OSBPL6: variants seen among roughly 807,000 people sequenced by gnomAD.
OSBPL6 encodes oxysterol-binding protein-related protein 6.
A neutral mutation model predicts 125.8 loss-of-function variants in OSBPL6; 49 were observed. The ratio of observed to expected loss-of-function variants is 0.39; its 90% confidence interval spans 0.31 to 0.49. OSBPL6 has a LOEUF of 0.49. Ranked by LOEUF, OSBPL6 falls within the 20% of genes least tolerant of loss-of-function variation. The probability of loss-of-function intolerance (pLI) is 0.88; values close to 1 mark genes in which losing one functional copy is unlikely to be tolerated. For missense variants in OSBPL6, 986 were observed against 1,135.4 expected (o/e 0.87, Z 1.89); for synonymous variants, 394 against 391.8 (o/e 1.01, Z -0.07).
chr2:178,290,424 GTT>G (rs55767106), intron 2 of OSBPL6, among the ~76,000 whole-genome samples: 1,882 of 128,790 alleles, frequency 0.015, 22 homozygotes, highest in African/African-American at 0.041. Flanking sequence ...AATTGTAGTG[GTT>G]TTTTTTTTTT....
chr2:178,212,056 A>G (rs2089886773), intron 1 of OSBPL6, among the ~76,000 whole-genome samples: 1 of 152,168 alleles, frequency 6.6e-6, no homozygotes, highest in East Asian at 1.9e-4. Context: ...TCAAATATTC[A>G]TTAAGCTCCC....
chr2:178,258,812 G>A (rs2091966963), intron 1 of OSBPL6, among the ~76,000 whole-genome samples: 1 of 151,150 alleles, frequency 6.6e-6, no homozygotes, highest in Non-Finnish European at 1.5e-5. Flanking sequence ...AACTTCTTAT[G>A]AATCAAATCT....
At chr2:178,225,256 G>GAAAGA (rs147732512) in intron 1 of OSBPL6, among the ~76,000 whole-genome samples, 24 of 150,160 alleles carry the variant, frequency 1.6e-4, no homozygotes, top group East Asian at 9.8e-4. Context: ...AAAAAAAAAG[G>GAAAGA]AAAGAAAAGA....
intron 23 of OSBPL6, 84 bp downstream of exon 23, chr2:178,392,622 G>A (rs976937714): frequency 5.0e-5 from 75 of 1,507,530 alleles, no homozygotes; most frequent in Non-Finnish European, 6.2e-5. Context: ...TTAGAAGGCT[G>A]AGGAGGGAAG....
chr2:178,310,565 C>T (rs1242600045), intron 3 of OSBPL6, among the ~76,000 whole-genome samples: 1 of 151,672 alleles, frequency 6.6e-6, no homozygotes, highest in Non-Finnish European at 1.5e-5. Flanking sequence ...CTACAGGTGC[C>T]CGCCACCGCA....
At chr2:178,209,893 A>G (rs2089758273) in intron 1 of OSBPL6, among the ~76,000 whole-genome samples, 1 of 152,050 alleles carries the variant, frequency 6.6e-6, no homozygotes, top group Non-Finnish European at 1.5e-5. Flanking sequence ...TAACTTAAAA[A>G]GCTTCCCAAG....
At chr2:178,350,709 G>C (rs186823011) in intron 12 of OSBPL6, among the ~76,000 whole-genome samples, 4 of 152,228 alleles carry the variant, frequency 2.6e-5, no homozygotes, top group East Asian at 1.9e-4. Flanking sequence ...TATTAGACTA[G>C]AGCAATATTA....
intron 2 of OSBPL6, among the ~76,000 whole-genome samples, chr2:178,288,422 C>T (rs1188356456): frequency 6.6e-6 from 1 of 152,124 alleles, no homozygotes; most frequent in Non-Finnish European, 1.5e-5. Context: ...CCAGCTCTCG[C>T]CTGTGCATTC....
intron 1 of OSBPL6, among the ~76,000 whole-genome samples, chr2:178,216,692 T>C (rs1275984651): frequency 6.6e-6 from 1 of 152,226 alleles, no homozygotes; most frequent in Admixed American, 6.5e-5. Flanking sequence ...CATAGTCTCA[T>C]AGTGTTTCTC....
intron 12 of OSBPL6, among the ~76,000 whole-genome samples, chr2:178,359,721 G>A (rs1450480104): frequency 6.6e-6 from 1 of 152,196 alleles, no homozygotes; most frequent in Admixed American, 6.5e-5. Context: ...GTATTATTCA[G>A]CCTTCAAAAA....
chr2:178,396,950 C>A lies in OSBPL6; in HGVS notation c.*1391C>A, dbSNP rs900303281. 1.3e-5 allele frequency: 2 copies of A among 152,064 alleles called. No homozygotes were observed. The highest frequency in any genetic ancestry group is 2.9e-5 in the Non-Finnish European group (2 of 68,024). 9.4% of individuals were successfully genotyped at this position (152,064 alleles called of 1,614,324 possible). On this transcript the variant is annotated 3_prime_UTR_variant, in exon 25 of 25. Transcript: ENST00000190611. ...GTATGTTTTTTTTAAAATATCTCCT[C>A]AGAGATTTTCCTAGGGAATTATAAA...
intron 1 of OSBPL6, among the ~76,000 whole-genome samples, chr2:178,204,768 G>A (rs1247827254): frequency 2.0e-5 from 3 of 152,230 alleles, no homozygotes; most frequent in African/African-American, 7.2e-5. Flanking sequence ...CCAGTGCGGT[G>A]AAGAGGAAAG....
intron 1 of OSBPL6, among the ~76,000 whole-genome samples, chr2:178,263,073 TA>T (rs976828595): frequency 3.5e-4 from 52 of 150,234 alleles, no homozygotes; most frequent in East Asian, 1.8e-3. Context: ...AAATTAGATT[TA>T]AAAAAAAAAC....
At chr2:178,355,825 G>A (rs1691729759) in intron 12 of OSBPL6, among the ~76,000 whole-genome samples, 2 of 152,246 alleles carry the variant, frequency 1.3e-5, no homozygotes, top group African/African-American at 2.4e-5. Context: ...GAACATCAGT[G>A]CAAAAATCCT....
intron 1 of OSBPL6, among the ~76,000 whole-genome samples, chr2:178,267,152 G>A (rs1389605279): frequency 2.0e-5 from 3 of 152,040 alleles, no homozygotes; most frequent in Non-Finnish European, 2.9e-5. Context: ...TCAGGAGTTC[G>A]AGACCAGCCT....
intron 14 of OSBPL6, among the ~76,000 whole-genome samples, chr2:178,372,571 CA>C (rs11433537): frequency 0.2 from 29,738 of 145,254 alleles, 3,029 homozygotes; most frequent in South Asian, 0.24. Flanking sequence ...TGAAATGTTG[CA>C]AAAAAAAAAA....
chr2:178,331,063 A>G (rs958819264), intron 5 of OSBPL6, among the ~76,000 whole-genome samples: 1 of 152,240 alleles, frequency 6.6e-6, no homozygotes, highest in Non-Finnish European at 1.5e-5. Flanking sequence ...CAGATAATTC[A>G]TTATTCATAG....
intron 1 of OSBPL6, among the ~76,000 whole-genome samples, chr2:178,227,203 A>G (rs2090601382): frequency 6.6e-6 from 1 of 152,242 alleles, no homozygotes; most frequent in South Asian, 2.1e-4. Flanking sequence ...GTTTTATCAG[A>G]AATGTTTAAC....
At chr2:178,231,862 C>G (rs1184894967) in intron 1 of OSBPL6, among the ~76,000 whole-genome samples, 2 of 152,048 alleles carry the variant, frequency 1.3e-5, no homozygotes, top group African/African-American at 4.8e-5. Context: ...TAGGGTCTGG[C>G]TACATTACCC....
Sources: allele counts gnomAD v4.1 joint callset (sites outside exome capture counted in the v4.1 genomes callset), GRCh38; gene constraint gnomAD v4.1.1; transcripts MANE v1.5; gene names NCBI Gene and HGNC (gene_info 2026-07-23, HGNC 2026-07-21).